KLHL29: variants seen among roughly 807,000 people sequenced by gnomAD.
KLHL29 encodes the protein kelch like family member 29.
A neutral mutation model predicts 80.4 loss-of-function variants in KLHL29; 21 were observed. That is an observed-to-expected ratio of 0.26 (90% CI 0.19 to 0.38). The LOEUF (loss-of-function observed/expected upper bound fraction) is 0.38. Ranked by LOEUF, KLHL29 falls within the 10% of genes least tolerant of loss-of-function variation. KLHL29 has a pLI of 1.00. For synonymous variants in KLHL29, 511 were observed against 526.8 expected (o/e 0.97, Z 0.41); for missense variants, 867 against 1,223.9 (o/e 0.71, Z 4.35).
intron 2 of KLHL29, among the ~76,000 whole-genome samples, chr2:23,542,419 C>T (rs1264290822): frequency 6.6e-6 from 1 of 152,180 alleles, no homozygotes; most frequent in African/African-American, 2.4e-5. Context: ...GAAGCTCTCC[C>T]ACCTTGGTGT....
intron 3 of KLHL29, among the ~76,000 whole-genome samples, chr2:23,600,102 A>C (rs751042616): frequency 6.6e-6 from 1 of 152,240 alleles, no homozygotes; most frequent in Non-Finnish European, 1.5e-5. Context: ...ATGCAGCCCA[A>C]GCTGGAGGTT....
At chr2:23,619,636 G>GAA (rs35469329) in intron 3 of KLHL29, among the ~76,000 whole-genome samples, 6 of 152,094 alleles carry the variant, frequency 3.9e-5, no homozygotes, top group Admixed American at 2.0e-4. Context: ...CCCCTTTGGT[G>GAA]AAAAATCAAT....
At chr2:23,543,657 CCTG>C (rs1433524559) in intron 2 of KLHL29, among the ~76,000 whole-genome samples, 2 of 152,222 alleles carry the variant, frequency 1.3e-5, no homozygotes, top group African/African-American at 4.8e-5. Context: ...TGCCTAGGAG[CCTG>C]CTCCATCGGT....
At chr2:23,388,425 C>T (rs1666237485) in intron 1 of KLHL29, among the ~76,000 whole-genome samples, 1 of 152,206 alleles carries the variant, frequency 6.6e-6, no homozygotes, top group Non-Finnish European at 1.5e-5. Flanking sequence ...TAAATCCAGC[C>T]TGTTTTCTAG....
rs1000151384 is a variant in KLHL29, at chr2:23,682,122, ACTTC to A, written c.941-2270_941-2267del. Among the ~76,000 whole-genome samples, 1 of 147,322 alleles carries A rather than the reference ACTTC, an allele frequency of 6.8e-6. No homozygotes were observed. Among genetic ancestry groups the A allele is most frequent in the African/African-American group, 2.5e-5 (1 of 39,378 alleles). On this transcript the variant is annotated intron_variant, in intron 5 of 13. Transcript: ENST00000486442. This position sits in a 1 kb window ranked among gnomAD's most constrained non-coding sequence, Gnocchi z 4.1. ...GTGGTCTCCATGCCTCCCCCTCCCC[ACTTC>A]CTTCCTGCACTGAGCCCCACGGGGT...
At chr2:23,450,041 A>G (rs573839073) in intron 1 of KLHL29, among the ~76,000 whole-genome samples, 2 of 152,236 alleles carry the variant, frequency 1.3e-5, no homozygotes, top group South Asian at 2.1e-4. Flanking sequence ...CAACAAAGAC[A>G]GTCTTTTGAC....
At chr2:23,654,708 G>GGGGGGGGGGGT (rs1670192200) in intron 5 of KLHL29, among the ~76,000 whole-genome samples, 2 of 79,722 alleles carry the variant, frequency 2.5e-5, no homozygotes, top group African/African-American at 3.3e-5. Context: ...GGGGGGGGGG[G>GGGGGGGGGGGT]TGGATGTTTT....
At chr2:23,658,232 G>A (rs979631380) in intron 5 of KLHL29, among the ~76,000 whole-genome samples, 3 of 152,138 alleles carry the variant, frequency 2.0e-5, no homozygotes, top group East Asian at 1.9e-4. Flanking sequence ...TCCACCTTGC[G>A]GAGCTCCCAG....
chr2:23,576,439 A>T (rs1216264076), intron 3 of KLHL29, among the ~76,000 whole-genome samples: 1 of 152,240 alleles, frequency 6.6e-6, no homozygotes, highest in Non-Finnish European at 1.5e-5. Flanking sequence ...AATAGTGGCA[A>T]CTTGTCATCT....
rs1378503121 is a variant in KLHL29, at chr2:23,562,027, A to G, written c.-45-125A>G. On this transcript the variant is annotated intron_variant, in intron 2 of 13. Coordinates refer to ENST00000486442, the MANE Select transcript of KLHL29 (RefSeq NM_052920.2). The surrounding 1 kb of genome is among the most constrained non-coding windows in gnomAD (Gnocchi z 4.5). The stretch of plus-strand genomic sequence containing the variant: ...GATCCATGCTTTGTGGGCTAGCGTG[A>G]CTCTGAAATGAGCTAATGTTTGAAG... 4 of 676,838 alleles carry G rather than the reference A, an allele frequency of 5.9e-6. No individual in the cohort carries two copies. The highest frequency in any genetic ancestry group is 1.9e-5 in the South Asian group (1 of 53,130). The allele number at this position is 676,838 out of a possible 1,614,324, so 41.9% of individuals were successfully genotyped here. A position where few individuals can be genotyped will look rare whatever the true frequency, so the allele number is the denominator to read the frequency against.
intron 2 of KLHL29, among the ~76,000 whole-genome samples, chr2:23,495,985 C>T (rs779555451): frequency 2.6e-4 from 39 of 152,242 alleles, no homozygotes; most frequent in African/African-American, 4.3e-4. Context: ...AATTGGCCAG[C>T]GCCGCTCTGC....
At chr2:23,421,354 G>A (rs926823537) in intron 1 of KLHL29, among the ~76,000 whole-genome samples, 7 of 152,168 alleles carry the variant, frequency 4.6e-5, no homozygotes, top group Non-Finnish European at 1.5e-5. Context: ...GCTGGGCTGG[G>A]GGCCCAGTAG....
intron 1 of KLHL29, among the ~76,000 whole-genome samples, chr2:23,418,564 T>A (rs1332455072): frequency 1.3e-5 from 2 of 152,194 alleles, no homozygotes; most frequent in African/African-American, 4.8e-5. Flanking sequence ...CACTTTCTCC[T>A]CCACGGACTG....
At chr2:23,536,307 T>C (rs545620863) in intron 2 of KLHL29, among the ~76,000 whole-genome samples, 2 of 152,310 alleles carry the variant, frequency 1.3e-5, no homozygotes, top group South Asian at 4.2e-4. Context: ...GGTGACCCCA[T>C]CCTCAAGACC....
chr2:23,535,117 T>A (rs563237295), intron 2 of KLHL29, among the ~76,000 whole-genome samples: 7 of 152,376 alleles, frequency 4.6e-5, no homozygotes, highest in Admixed American at 3.3e-4. Flanking sequence ...TTAATTTTTT[T>A]AAAATGTGGC....
intron 3 of KLHL29, among the ~76,000 whole-genome samples, chr2:23,587,039 TC>T (rs1668137971): frequency 6.6e-6 from 1 of 152,162 alleles, no homozygotes; most frequent in Non-Finnish European, 1.5e-5. Context: ...ATACTTTTGA[TC>T]CCTGCACAGA....
chr2:23,646,802 A>G (rs1319678213), intron 5 of KLHL29, among the ~76,000 whole-genome samples: 1 of 152,180 alleles, frequency 6.6e-6, no homozygotes, highest in African/African-American at 2.4e-5. Context: ...GGCACAGGGA[A>G]TAGCTGTGTG....
chr2:23,497,175 G>T (rs987557763), intron 2 of KLHL29, among the ~76,000 whole-genome samples: 13 of 152,138 alleles, frequency 8.5e-5, no homozygotes, highest in African/African-American at 2.9e-4. Context: ...TCAGTCGGTG[G>T]GTATTTCCGC....
At chr2:23,644,419 T>C (rs1369776465) in intron 5 of KLHL29, 2 of 152,196 alleles carry the variant, frequency 1.3e-5, no homozygotes, top group African/African-American at 2.4e-5. Context: ...ACATAGCCCC[T>C]CTGGGCTAAT....
Sources: allele counts gnomAD v4.1 joint callset (sites outside exome capture counted in the v4.1 genomes callset), GRCh38; gene constraint gnomAD v4.1.1; non-coding constraint Gnocchi (gnomAD v3.1); transcripts MANE v1.5; gene names NCBI Gene and HGNC (gene_info 2026-07-23, HGNC 2026-07-21).